The following PIERCE1 variants were observed in gnomAD, a reference collection of about 807,000 sequenced individuals.
PIERCE1 encodes piercer of microtubule wall 1 protein.
At chr9:135,499,819 C>T in the PIERCE1 span, 1 of 1,602,094 alleles carries the variant, frequency 6.2e-7, no homozygotes, top group Non-Finnish European at 8.5e-7. Context: ...GCGCCACAGG[C>T]TCCGCGCACG....
chr9:135,497,697 T>A, the PIERCE1 span, among the ~76,000 whole-genome samples: 1 of 152,186 alleles, frequency 6.6e-6, no homozygotes, highest in Non-Finnish European at 1.5e-5. Flanking sequence ...AGTGCTGGGA[T>A]TACAGGCGTG....
the PIERCE1 span, among the ~76,000 whole-genome samples, chr9:135,497,590 T>A: frequency 1.3e-5 from 2 of 152,020 alleles, no homozygotes; most frequent in African/African-American, 4.8e-5. Flanking sequence ...CAGCTAATTA[T>A]TTTATTTTAT....
the PIERCE1 span, chr9:135,498,757 G>A: frequency 8.4e-7 from 1 of 1,187,362 alleles, no homozygotes; most frequent in Non-Finnish European, 1.3e-6. The surrounding 1 kb of genome is among the most constrained non-coding windows in gnomAD (Gnocchi z 4.1). Context: ...CCCTGGAAAT[G>A]CCCCCATGGA....
the PIERCE1 span, chr9:135,498,619 T>G: frequency 1.9e-6 from 3 of 1,614,070 alleles, no homozygotes; most frequent in South Asian, 3.3e-5. The surrounding 1 kb of genome is among the most constrained non-coding windows in gnomAD (Gnocchi z 4.1). Flanking sequence ...TCTGCTCCCG[T>G]AAGCCTGGTT....
the PIERCE1 span, chr9:135,498,561 T>G: frequency 6.2e-7 from 1 of 1,610,128 alleles, no homozygotes; most frequent in Non-Finnish European, 8.5e-7. This position sits in a 1 kb window ranked among gnomAD's most constrained non-coding sequence, Gnocchi z 4.1. Context: ...CTGCCCCCCA[T>G]GCCCGGTCTT....
chr9:135,499,516 T>A, the PIERCE1 span: 6 of 797,242 alleles, frequency 7.5e-6, no homozygotes, highest in Non-Finnish European at 1.3e-5. Context: ...ACTGCCCTTA[T>A]CCCCACTTCC....
At chr9:135,496,113 G>A in the PIERCE1 span, among the ~76,000 whole-genome samples, 1 of 152,202 alleles carries the variant, frequency 6.6e-6, no homozygotes, top group Non-Finnish European at 1.5e-5. Context: ...TCAGGAGTTC[G>A]AGACCAGCCT....
the PIERCE1 span, chr9:135,495,539 T>C: frequency 9.9e-6 from 16 of 1,614,100 alleles, no homozygotes; most frequent in Non-Finnish European, 1.4e-5. Context: ...CAGGTAAACA[T>C]TGAGAGTATT....
the PIERCE1 span, among the ~76,000 whole-genome samples, chr9:135,496,644 A>C: frequency 6.6e-6 from 1 of 152,178 alleles, no homozygotes; most frequent in Non-Finnish European, 1.5e-5. Context: ...CCCTGTCCTT[A>C]GCATGTCGCA....
At chr9:135,498,554 C>T in the PIERCE1 span, 18 of 1,604,560 alleles carry the variant, frequency 1.1e-5, no homozygotes, top group Non-Finnish European at 1.5e-5. This position sits in a 1 kb window ranked among gnomAD's most constrained non-coding sequence, Gnocchi z 4.1. Flanking sequence ...CCACCCCCTG[C>T]CCCCCATGCC....
the PIERCE1 span, chr9:135,495,327 A>G: frequency 3.6e-6 from 4 of 1,105,664 alleles, no homozygotes; most frequent in Non-Finnish European, 5.3e-6. Context: ...AAGGCAGCGC[A>G]GTCTGTGCCG....
the PIERCE1 span, chr9:135,499,727 C>G: frequency 1.2e-6 from 2 of 1,608,286 alleles, no homozygotes; most frequent in Non-Finnish European, 1.7e-6. Flanking sequence ...CCGGAACCAC[C>G]CCGGGTTGTT....
At chr9:135,496,243 G>A in the PIERCE1 span, among the ~76,000 whole-genome samples, 1 of 152,268 alleles carries the variant, frequency 6.6e-6, no homozygotes, top group South Asian at 2.1e-4. Context: ...CTTGAACCGG[G>A]GAGGCGGAGC....
chr9:135,499,236 C>T, the PIERCE1 span, among the ~76,000 whole-genome samples: 10,055 of 152,352 alleles, frequency 0.066, 364 homozygotes, highest in South Asian at 0.11. Context: ...ACAGACCCTG[C>T]CCTAGAGGAC....
At chr9:135,496,454 G>C in the PIERCE1 span, among the ~76,000 whole-genome samples, 5 of 152,338 alleles carry the variant, frequency 3.3e-5, no homozygotes, top group East Asian at 9.6e-4. Flanking sequence ...TACCCCATAC[G>C]GGTGACCTGT....
the PIERCE1 span, chr9:135,495,274 T>C: frequency 5.8e-6 from 4 of 687,958 alleles, no homozygotes; most frequent in Non-Finnish European, 9.8e-6. Flanking sequence ...CACGGCCCCG[T>C]TTGCATATTT....
chr9:135,499,748 G>T, the PIERCE1 span: 34 of 1,607,594 alleles, frequency 2.1e-5, no homozygotes, highest in Admixed American at 3.4e-5. Context: ...GAACCTGCCC[G>T]GCAGGTCCGC....
chr9:135,498,217 T>C, the PIERCE1 span, among the ~76,000 whole-genome samples: 9 of 152,116 alleles, frequency 5.9e-5, no homozygotes, highest in Non-Finnish European at 1.2e-4. This position sits in a 1 kb window ranked among gnomAD's most constrained non-coding sequence, Gnocchi z 4.1. Flanking sequence ...AAAAAAAAAG[T>C]AGCCCTTCAT....
At chr9:135,498,321 A>C in the PIERCE1 span, among the ~76,000 whole-genome samples, 2 of 152,106 alleles carry the variant, frequency 1.3e-5, no homozygotes, top group East Asian at 3.9e-4. The surrounding 1 kb of genome is among the most constrained non-coding windows in gnomAD (Gnocchi z 4.1). Flanking sequence ...GTATGGGGGC[A>C]GGGTGATGTC....
Sources: gnomAD v4.1 joint callset for allele counts (sites outside exome capture counted in the v4.1 genomes callset) on GRCh38, gnomAD v4.1.1 for gene constraint, Gnocchi (gnomAD v3.1) non-coding constraint, MANE v1.5 for transcripts, NCBI Gene and HGNC (gene_info 2026-07-23, HGNC 2026-07-21) for gene names.